The following NGF variants were observed in gnomAD, a reference collection of about 807,000 sequenced individuals.
The protein encoded by NGF is nerve growth factor.
A neutral mutation model predicts 12.8 loss-of-function variants in NGF; 4 were observed. That is an observed-to-expected ratio of 0.31 (90% CI 0.15 to 0.72). The LOEUF (loss-of-function observed/expected upper bound fraction) is 0.72. Among genes scored for constraint, NGF ranks in the 30% least tolerant of loss-of-function variants. The probability of loss-of-function intolerance (pLI) is 0.69; values close to 1 mark genes in which losing one functional copy is unlikely to be tolerated. For synonymous variants in NGF, 140 were observed against 130.0 expected (o/e 1.08, Z -0.52); for missense variants, 283 against 330.8 (o/e 0.86, Z 1.12).
rs1378185553 is a variant in NGF at position 115,286,012 on chromosome 1, G to A, written c.*58C>T. On this transcript the variant is annotated 3_prime_UTR_variant, in exon 3 of 3. Transcript: ENST00000369512. ...TAATTTAAAATAATTTACAGGTTGA[G>A]GTAGGGAGGGGCCCAGGAGAGTGTA... 43 of 1,584,316 alleles carry A rather than the reference G, an allele frequency of 2.7e-5. No homozygotes were observed. Among genetic ancestry groups the A allele is most frequent in the Non-Finnish European group, 3.7e-5 (43 of 1,163,344 alleles).
chr1:115,331,336 C>T (rs1654916952), intron 1 of NGF, among the ~76,000 whole-genome samples: 2 of 152,162 alleles, frequency 1.3e-5, no homozygotes, highest in Admixed American at 6.5e-5. Flanking sequence ...GCCAGGACTC[C>T]TGTAAAATCC....
At chr1:115,293,998 T>G (rs1443327017) in intron 1 of NGF, among the ~76,000 whole-genome samples, 1 of 152,206 alleles carries the variant, frequency 6.6e-6, no homozygotes, top group Non-Finnish European at 1.5e-5. Flanking sequence ...CTGGACACAG[T>G]CCATGGCTGA....
chr1:115,318,084 C>G (rs1169594065), intron 1 of NGF, among the ~76,000 whole-genome samples: 1 of 152,186 alleles, frequency 6.6e-6, no homozygotes, highest in Non-Finnish European at 1.5e-5. Flanking sequence ...TTTCGATTCT[C>G]TCTTGGGGCC....
At chr1:115,331,746 C>A (rs986883322) in intron 1 of NGF, among the ~76,000 whole-genome samples, 1 of 152,208 alleles carries the variant, frequency 6.6e-6, no homozygotes, top group Non-Finnish European at 1.5e-5. Context: ...GGCCTCAGCT[C>A]ATTTATATTC....
intron 1 of NGF, among the ~76,000 whole-genome samples, chr1:115,330,757 G>A (rs1258755469): frequency 6.6e-6 from 1 of 152,166 alleles, no homozygotes; most frequent in Non-Finnish European, 1.5e-5. Context: ...CACGCTAATT[G>A]AGAAAACATG....
At chr1:115,287,387 C>T (rs1273146990) in intron 2 of NGF, among the ~76,000 whole-genome samples, 1 of 152,146 alleles carries the variant, frequency 6.6e-6, no homozygotes, top group Non-Finnish European at 1.5e-5. Flanking sequence ...TATGAATTCA[C>T]AAAGCGTCAT....
intron 1 of NGF, among the ~76,000 whole-genome samples, chr1:115,335,080 G>C (rs1202600779): frequency 3.3e-5 from 5 of 152,228 alleles, no homozygotes; most frequent in Non-Finnish European, 5.9e-5. Context: ...GTAGCCCAGA[G>C]AGGAGCAATG....
At chr1:115,333,185 T>A (rs141350917) in intron 1 of NGF, among the ~76,000 whole-genome samples, 1 of 152,146 alleles carries the variant, frequency 6.6e-6, no homozygotes, top group Non-Finnish European at 1.5e-5. Context: ...TACCACCAAC[T>A]CTGACTACTG....
intron 1 of NGF, among the ~76,000 whole-genome samples, chr1:115,324,305 T>A (rs1163179388): frequency 6.6e-6 from 1 of 152,204 alleles, no homozygotes; most frequent in Non-Finnish European, 1.5e-5. Context: ...TGGGTCACTA[T>A]GTCTAAACAG....
At chr1:115,291,838 C>T (rs913805885) in intron 2 of NGF, among the ~76,000 whole-genome samples, 1 of 152,172 alleles carries the variant, frequency 6.6e-6, no homozygotes, top group African/African-American at 2.4e-5. Context: ...CACTGGGAGG[C>T]TTGGCAACCA....
rs984068340 is a variant in NGF, at chr1:115,304,187, C to T, written c.-136-10437G>A. 2.6e-5 allele frequency among the ~76,000 whole-genome samples: 4 copies of T among 151,278 alleles called. No homozygotes were observed. The East Asian group carries it at 5.8e-4, about 22-fold the overall frequency. On this transcript the variant is annotated intron_variant, in intron 1 of 2. Transcript: ENST00000369512. ...CATACACACACAAGTATTTTTTTTT[C>T]GAGATGTAGTTTTTGCCCAGGCTGT...
At chr1:115,297,654 A>G (rs1318761844) in intron 1 of NGF, among the ~76,000 whole-genome samples, 1 of 152,212 alleles carries the variant, frequency 6.6e-6, no homozygotes, top group Admixed American at 6.5e-5. Flanking sequence ...CCTTAGCCAC[A>G]GCTATTGAAA....
intron 2 of NGF, among the ~76,000 whole-genome samples, chr1:115,288,489 T>G (rs1283056392): frequency 6.6e-6 from 1 of 152,222 alleles, no homozygotes; most frequent in Admixed American, 6.5e-5. Context: ...TTGTCTTTTG[T>G]GCTTTCTACT....
intron 1 of NGF, among the ~76,000 whole-genome samples, chr1:115,329,744 CTTTTTTTTT>C (rs1039991768): frequency 9.6e-6 from 1 of 103,996 alleles, no homozygotes; most frequent in Non-Finnish European, 1.9e-5. Context: ...TTCTTTCTTT[CTTTTTTTTT>C]TTTTTTTTTT....
chr1:115,337,267 G>GTTTGTTTTTTTTTTTTTTGTTTTTT, intron 1 of NGF, among the ~76,000 whole-genome samples: 1 of 81,030 alleles, frequency 1.2e-5, no homozygotes, highest in East Asian at 3.7e-4. Flanking sequence ...TTTTGTTTTT[G>GTTTGTTTTTTTTTTTTTTGTTTTTT]TTTTTTTTTT....
At chr1:115,292,613 C>T (rs1653737940) in intron 2 of NGF, among the ~76,000 whole-genome samples, 1 of 152,120 alleles carries the variant, frequency 6.6e-6, no homozygotes, top group African/African-American at 2.4e-5. Context: ...CAGGGCCAGT[C>T]CGTGAACACC....
intron 1 of NGF, among the ~76,000 whole-genome samples, chr1:115,314,639 A>G (rs990626549): frequency 2.0e-5 from 3 of 152,226 alleles, no homozygotes; most frequent in African/African-American, 7.2e-5. Flanking sequence ...GGGTTAATAG[A>G]TAAGCACACA....
intron 1 of NGF, among the ~76,000 whole-genome samples, chr1:115,333,253 C>A (rs769947773): frequency 2.0e-5 from 3 of 152,144 alleles, no homozygotes; most frequent in African/African-American, 7.2e-5. Context: ...ACAAATACTT[C>A]GTGGTTATTG....
At chr1:115,298,083 G>T (rs747493463) in intron 1 of NGF, among the ~76,000 whole-genome samples, 1 of 152,188 alleles carries the variant, frequency 6.6e-6, no homozygotes, top group Non-Finnish European at 1.5e-5. Context: ...CCACAAGAAG[G>T]TCTGAAAATA....
Sources: allele counts gnomAD v4.1 joint callset (sites outside exome capture counted in the v4.1 genomes callset), GRCh38; gene constraint gnomAD v4.1.1; transcripts MANE v1.5; gene names NCBI Gene and HGNC (gene_info 2026-07-23, HGNC 2026-07-21).